EFR3B: variants seen among roughly 807,000 people sequenced by gnomAD.
EFR3B encodes EFR3 homolog B, also known as protein EFR3 homolog B.
Under a neutral mutation model 104.7 loss-of-function variants are expected in EFR3B, and 64 were observed. The observed-to-expected ratio is 0.61, with a 90% CI of 0.50 to 0.75. The LOEUF (loss-of-function observed/expected upper bound fraction) is 0.75, where lower values mean the gene tolerates loss of function less well. EFR3B is among the 30% of genes least tolerant of loss of function. EFR3B has a pLI of 0.00. For missense variants in EFR3B, 750 were observed against 1,078.5 expected, an observed-to-expected ratio of 0.70 and a Z score of 4.27; for synonymous variants, 385 against 417.9, an observed-to-expected ratio of 0.92 and a Z score of 0.96.
chr2:25,084,004 G>C (rs1240809485), intron 1 of EFR3B, among the ~76,000 whole-genome samples: 1 of 152,118 alleles, frequency 6.6e-6, no homozygotes, highest in Non-Finnish European at 1.5e-5. Context: ...TCCCTGCCCT[G>C]GTTTTGTATT....
intron 4 of EFR3B, among the ~76,000 whole-genome samples, chr2:25,110,418 A>G (rs920631174): frequency 3.3e-5 from 5 of 150,626 alleles, no homozygotes; most frequent in South Asian, 4.2e-4. Context: ...TTTCCCCTAA[A>G]CTCCCCTCCC....
At chr2:25,123,231 G>A (rs1388046363) in intron 5 of EFR3B, among the ~76,000 whole-genome samples, 4 of 151,868 alleles carry the variant, frequency 2.6e-5, no homozygotes, top group Non-Finnish European at 4.4e-5. Flanking sequence ...ATGACTGCAC[G>A]TGCCTGTATT....
chr2:25,045,977 AG>A (rs1328634758), intron 1 of EFR3B, among the ~76,000 whole-genome samples: 1 of 152,126 alleles, frequency 6.6e-6, no homozygotes, highest in East Asian at 1.9e-4. Context: ...CTAACACCAA[AG>A]CTGCCCTAAT....
chr2:25,112,328 G>A (rs1243025848), intron 4 of EFR3B, among the ~76,000 whole-genome samples: 3 of 152,248 alleles, frequency 2.0e-5, no homozygotes, highest in African/African-American at 7.2e-5. Flanking sequence ...TCCAGCAGAT[G>A]GGGCTGCCCA....
At chr2:25,110,705 T>A (rs1312308642) in intron 4 of EFR3B, among the ~76,000 whole-genome samples, 3 of 152,148 alleles carry the variant, frequency 2.0e-5, no homozygotes, top group African/African-American at 4.8e-5. Flanking sequence ...AACAAAAAAA[T>A]TACGTTCTCC....
chr2:25,130,683 A>G lies in EFR3B; in HGVS notation c.849+53A>G. On this transcript the variant is annotated intron_variant, in intron 8 of 22. Coordinates refer to ENST00000403714, the MANE Select transcript of EFR3B (RefSeq NM_014971.2). The surrounding 1 kb of genome is among the most constrained non-coding windows in gnomAD (Gnocchi z 4.6). ...ATCCCAGGACAAAGGCCTCTCTAGA[A>G]GCTAGACGGGTGCTAAAATAGAAAG... is the stretch of plus-strand genomic sequence containing the variant. 6.8e-7 allele frequency: 1 copy of G among 1,478,248 alleles called. No homozygotes were observed. 91.6% of individuals were successfully genotyped at this position (1,478,248 alleles called of 1,614,324 possible).
intron 4 of EFR3B, among the ~76,000 whole-genome samples, chr2:25,112,490 G>A (rs578252224): frequency 1.3e-5 from 2 of 152,390 alleles, no homozygotes; most frequent in African/African-American, 2.4e-5. Flanking sequence ...GAATTACTAT[G>A]CCTTGGCTGG....
intron 3 of EFR3B, among the ~76,000 whole-genome samples, chr2:25,095,140 G>A (rs780312418): frequency 1.1e-4 from 16 of 152,182 alleles, no homozygotes; most frequent in Admixed American, 4.6e-4. Flanking sequence ...AGAGATGTTC[G>A]TTATCTTGTT....
chr2:25,055,801 A>G (rs961260202), intron 1 of EFR3B, among the ~76,000 whole-genome samples: 1 of 152,188 alleles, frequency 6.6e-6, no homozygotes, highest in Non-Finnish European at 1.5e-5. Flanking sequence ...CTTCTAGAGC[A>G]GAAGCATACA....
At chr2:25,100,366 C>T (rs568126581) in intron 3 of EFR3B, among the ~76,000 whole-genome samples, 13 of 152,286 alleles carry the variant, frequency 8.5e-5, no homozygotes, top group Admixed American at 2.0e-4. Context: ...TTTAAAATCC[C>T]GTGGTGGCAG....
intron 1 of EFR3B, among the ~76,000 whole-genome samples, chr2:25,047,871 G>A (rs1248661808): frequency 2.6e-5 from 4 of 152,132 alleles, no homozygotes; most frequent in Non-Finnish European, 5.9e-5. Context: ...GAACAGTACT[G>A]TGATACCGTT....
chr2:25,080,189 T>C, intron 1 of EFR3B: 14 of 1,583,754 alleles, frequency 8.8e-6, no homozygotes, highest in Non-Finnish European at 1.2e-5. Flanking sequence ...AGTACCTTTT[T>C]ATCTGAAGTG....
intron 1 of EFR3B, among the ~76,000 whole-genome samples, chr2:25,072,147 T>G (rs1442575628): frequency 1.3e-5 from 2 of 152,232 alleles, no homozygotes; most frequent in African/African-American, 4.8e-5. Flanking sequence ...TCGTCACCAG[T>G]TCCAGGCTCT....
At chr2:25,076,355 T>C (rs1441281433) in intron 1 of EFR3B, among the ~76,000 whole-genome samples, 2 of 152,240 alleles carry the variant, frequency 1.3e-5, no homozygotes, top group Admixed American at 1.3e-4. Flanking sequence ...ATCATAGTAA[T>C]ACTGATGATG....
chr2:25,118,169 C>T (rs1243428606), intron 4 of EFR3B, among the ~76,000 whole-genome samples: 4 of 151,860 alleles, frequency 2.6e-5, no homozygotes, highest in African/African-American at 4.8e-5. Flanking sequence ...TTAGTAGAGA[C>T]GGGGTTTCAC....
intron 12 of EFR3B, among the ~76,000 whole-genome samples, chr2:25,134,010 G>A (rs1198702864): frequency 1.3e-5 from 2 of 152,150 alleles, no homozygotes; most frequent in African/African-American, 2.4e-5. Flanking sequence ...CCTGGAATCT[G>A]TATTTGTAAC....
Position 25,136,436 on chromosome 2 carries a change from A to G in EFR3B, c.1485-87A>G. 2 of 1,081,714 alleles carry G rather than the reference A, an allele frequency of 1.8e-6. No individual in the cohort carries two copies. The highest frequency in any genetic ancestry group is 1.6e-5 in the African/African-American group (1 of 63,582). The allele number at this position is 1,081,714 out of a possible 1,614,324, so 67.0% of individuals were successfully genotyped here. ...CACTGGAGGCTTTGTACCAACTAAC[A>G]ATGTTGGGGATAAAGCTCAGTGACC... On this transcript the variant is annotated intron_variant, in intron 13 of 22. Transcript: ENST00000403714. This position sits in a 1 kb window ranked among gnomAD's most constrained non-coding sequence, Gnocchi z 4.0.
At chr2:25,062,464 C>G (rs1177021311) in intron 1 of EFR3B, among the ~76,000 whole-genome samples, 2 of 152,170 alleles carry the variant, frequency 1.3e-5, no homozygotes, top group African/African-American at 2.4e-5. Flanking sequence ...GTAGGAAACC[C>G]TGGAAGAGAA....
At position 25,130,533 on chromosome 2, in the gene EFR3B, C is replaced by T; in HGVS notation, c.771-19C>T. The T allele has an allele frequency of 1.3e-6, 2 of 1,547,772 alleles. No individual in the cohort carries two copies. The highest frequency in any genetic ancestry group is 8.7e-7 in the Non-Finnish European group (1 of 1,143,402). On this transcript the variant is annotated intron_variant, in intron 7 of 22. Transcript: ENST00000403714. The surrounding 1 kb of genome is among the most constrained non-coding windows in gnomAD (Gnocchi z 4.6). ...GCCGGGAGTTTCATAGTTGTTCCCC[C>T]ACGTTTTCTCCCTCACAGCCATCTG...
Sources: allele counts gnomAD v4.1 joint callset (sites outside exome capture counted in the v4.1 genomes callset), GRCh38; gene constraint gnomAD v4.1.1; non-coding constraint Gnocchi (gnomAD v3.1); transcripts MANE v1.5; gene names NCBI Gene and HGNC (gene_info 2026-07-23, HGNC 2026-07-21).